The following STX6 variants were observed in gnomAD, a reference collection of about 807,000 sequenced individuals.
STX6 encodes syntaxin 6.
Under a neutral mutation model 38.0 loss-of-function variants are expected in STX6, and 23 were observed. The observed-to-expected ratio is 0.60, with a 90% CI of 0.43 to 0.86. STX6 has a LOEUF of 0.86. Among genes scored for constraint, STX6 ranks in the 40% least tolerant of loss-of-function variants. The pLI is 0.00. For missense variants in STX6, 274 were observed against 312.9 expected (o/e 0.88, Z 0.94); for synonymous variants, 123 against 107.5 (o/e 1.14, Z -0.89).
Position 180,990,101 on chromosome 1 carries a change from C to T in STX6, c.372G>A (p.Leu124=). The change falls in exon 5 of 8, where the codon CTG becomes CTA. Residue 124 remains leucine, a synonymous_variant. Coordinates refer to ENST00000258301, the MANE Select transcript of STX6 (RefSeq NM_005819.6). Reference sequence around the variant, plus strand: ...TCCAGTTCTGGCTGCCACTGTCTCCCAGCAGTGCCTGTGTGAGAAGAACAA... The same window carrying T: ...TCCAGTTCTGGCTGCCACTGTCTCCTAGCAGTGCCTGTGTGAGAAGAACAA... ...LAERKNRQAL[L]GDSGSQNWST... is the part of the protein sequence containing the mutation. The T allele has an allele frequency of 6.2e-7, 1 of 1,614,160 alleles. No individual in the cohort carries two copies.
chr1:180,979,315 A>G (rs901606414), intron 7 of STX6, among the ~76,000 whole-genome samples: 9 of 152,250 alleles, frequency 5.9e-5, no homozygotes, highest in Non-Finnish European at 8.8e-5. Flanking sequence ...TTACCATAAC[A>G]TCAATCAAGA....
At chr1:181,018,388 C>CAAAAAA (rs34962747) in intron 1 of STX6, among the ~76,000 whole-genome samples, 30 of 43,038 alleles carry the variant, frequency 7.0e-4, no homozygotes, top group South Asian at 1.1e-3. Flanking sequence ...GACTCTGTCC[C>CAAAAAA]AAAAAAAAAA....
intron 3 of STX6, among the ~76,000 whole-genome samples, chr1:181,000,128 G>T (rs766692085): frequency 6.6e-6 from 1 of 152,066 alleles, no homozygotes; most frequent in Admixed American, 6.6e-5. Flanking sequence ...CCCCCAAAGG[G>T]GTCATAAATT....
intron 6 of STX6, 111 bp from the exon 7 acceptor site, chr1:180,984,882 C>A (rs1320830580): frequency 1.4e-5 from 7 of 501,704 alleles, no homozygotes; most frequent in African/African-American, 2.0e-5. Flanking sequence ...ATAGGCAACA[C>A]TGGGTTTCAG....
intron 7 of STX6, among the ~76,000 whole-genome samples, chr1:180,977,702 A>C (rs1301751129): frequency 6.6e-6 from 1 of 152,256 alleles, no homozygotes; most frequent in Non-Finnish European, 1.5e-5. Flanking sequence ...ATATTGATTC[A>C]CTAAAGTTTC....
At chr1:181,019,751 T>C (rs1453986992) in intron 1 of STX6, among the ~76,000 whole-genome samples, 1 of 152,224 alleles carries the variant, frequency 6.6e-6, no homozygotes, top group Admixed American at 6.5e-5. Flanking sequence ...GGAAGCCACA[T>C]ACAACTACTG....
Position 180,989,883 on chromosome 1 carries a change from C to A in STX6, c.489+101G>T, listed in dbSNP as rs567840216. ...CAACACAGGACAAGCTCTGGCTTACCCTCCTTGTCACTAAGCCACAAGACC... is the reference window on the plus strand; with the variant it reads ...CAACACAGGACAAGCTCTGGCTTACACTCCTTGTCACTAAGCCACAAGACC... On this transcript the variant is annotated intron_variant, in intron 5 of 7. Transcript: ENST00000258301. 8 of 1,402,622 alleles carry A rather than the reference C, an allele frequency of 5.7e-6. No homozygotes were observed. In the African/African-American group the frequency reaches 1.0e-4, roughly 17 times the overall value. 86.9% of individuals were successfully genotyped at this position (1,402,622 alleles called of 1,614,324 possible).
In STX6 at chr1:181,008,680, T is replaced by C. The variant is rs1047129588; in HGVS notation, c.36-3217A>G. 6.0e-5 allele frequency among the ~76,000 whole-genome samples: 9 copies of C among 151,086 alleles called. No homozygotes were observed. The South Asian group carries it at 1.0e-3, about 18-fold the overall frequency. On this transcript the variant is annotated intron_variant, in intron 1 of 7. Coordinates refer to ENST00000258301, the MANE Select transcript of STX6 (RefSeq NM_005819.6). ...CAGTTTCATCAGAAAAACTTAAGTG[T>C]TGGAAATCTGTAAGAGCATAGTAGT... is the stretch of plus-strand genomic sequence containing the variant.
At chr1:181,021,744 ACT>A (rs1027060960) in intron 1 of STX6, among the ~76,000 whole-genome samples, 3 of 152,306 alleles carry the variant, frequency 2.0e-5, no homozygotes, top group South Asian at 4.1e-4. Flanking sequence ...GCAGTTGAAG[ACT>A]CTATCTCCAA....
intron 6 of STX6, 90 bp from the exon 7 acceptor site, chr1:180,984,861 T>C (rs1448475836): frequency 1.8e-6 from 1 of 543,400 alleles, no homozygotes; most frequent in Non-Finnish European, 3.4e-6. Flanking sequence ...GCCTCCATTT[T>C]AGCAAACAAA....
chr1:181,012,823 C>T (rs1656445617), intron 1 of STX6, among the ~76,000 whole-genome samples: 1 of 151,904 alleles, frequency 6.6e-6, no homozygotes, highest in African/African-American at 2.4e-5. Context: ...TACAGGCATG[C>T]ACCACCACGC....
intron 2 of STX6, 128 bp downstream of exon 2, chr1:181,005,166 G>A: frequency 6.7e-7 from 1 of 1,491,404 alleles, no homozygotes; most frequent in Non-Finnish European, 8.9e-7. Flanking sequence ...ACATGTCATG[G>A]TACAAGTAAG....
At chr1:181,007,910 T>C (rs1656273941) in intron 1 of STX6, among the ~76,000 whole-genome samples, 2 of 152,242 alleles carry the variant, frequency 1.3e-5, no homozygotes, top group South Asian at 4.1e-4. Context: ...GGCATTGTTT[T>C]GCATTTGTGC....
intron 1 of STX6, among the ~76,000 whole-genome samples, chr1:181,022,028 A>T (rs577360944): frequency 6.6e-6 from 1 of 152,066 alleles, no homozygotes; most frequent in Admixed American, 6.5e-5. Flanking sequence ...CTCTCCTCAC[A>T]TTACTCAGTA....
chr1:181,012,835 C>T (rs1038954626), intron 1 of STX6, among the ~76,000 whole-genome samples: 50 of 152,028 alleles, frequency 3.3e-4, no homozygotes, highest in Middle Eastern at 3.4e-3. Flanking sequence ...CCACCACGCC[C>T]GGCTAATTTT....
rs1471194731 is a variant in STX6 at position 180,976,199 on chromosome 1, GAA to G, written c.*369_*370del. 6 of 245,544 alleles carry G rather than the reference GAA, an allele frequency of 2.4e-5. No individual in the cohort carries two copies. Among genetic ancestry groups the G allele is most frequent in the African/African-American group, 1.3e-4 (6 of 45,534 alleles). 15.2% of individuals were successfully genotyped at this position (245,544 alleles called of 1,614,324 possible). A position where few individuals can be genotyped will look rare whatever the true frequency, so the allele number is the denominator to read the frequency against. The stretch of plus-strand genomic sequence containing the variant: ...AGCACGGGGAAGGGTCTGAGCAGAA[GAA>G]AAGAGCTGCCAAAGATGCATGGAAT... On this transcript the variant is annotated 3_prime_UTR_variant, in exon 8 of 8. Transcript: ENST00000258301.
intron 3 of STX6, among the ~76,000 whole-genome samples, chr1:180,996,911 C>T (rs775415377): frequency 9.9e-5 from 15 of 152,030 alleles, no homozygotes; most frequent in African/African-American, 2.2e-4. Flanking sequence ...GAATTTTTTA[C>T]GAAACAATTA....
intron 4 of STX6, among the ~76,000 whole-genome samples, chr1:180,991,920 T>C (rs1040266911): frequency 4.7e-5 from 4 of 84,430 alleles, no homozygotes; most frequent in Non-Finnish European, 1.0e-4. Flanking sequence ...ATATATACTT[T>C]ATATAAAATA....
chr1:180,981,119 G>GT (rs1476591575), intron 7 of STX6, among the ~76,000 whole-genome samples: 1 of 152,172 alleles, frequency 6.6e-6, no homozygotes, highest in African/African-American at 2.4e-5. Context: ...TTATACATTT[G>GT]TTCAAACCCA....
Sources: allele counts gnomAD v4.1 joint callset (sites outside exome capture counted in the v4.1 genomes callset), GRCh38; gene constraint gnomAD v4.1.1; transcripts MANE v1.5; gene names NCBI Gene and HGNC (gene_info 2026-07-23, HGNC 2026-07-21).